Variants in SLC39A11 observed in about 807,000 individuals in gnomAD.
SLC39A11 encodes zinc transporter ZIP11.
Under a neutral mutation model 36.1 loss-of-function variants are expected in SLC39A11, and 33 were observed. The observed-to-expected ratio is 0.91, with a 90% CI of 0.69 to 1.22. The LOEUF (loss-of-function observed/expected upper bound fraction) is 1.22. Among genes scored for constraint, SLC39A11 ranks in the 50% most tolerant of loss-of-function variants. The pLI is 0.00. For synonymous variants in SLC39A11, 166 were observed against 170.3 expected (o/e 0.97, Z 0.20); for missense variants, 432 against 430.3 (o/e 1.00, Z -0.03).
intron 4 of SLC39A11, among the ~76,000 whole-genome samples, chr17:72,962,299 A>T (rs980250532): frequency 9.9e-5 from 15 of 152,240 alleles, no homozygotes; most frequent in African/African-American, 3.4e-4. Context: ...CCATGGGGCC[A>T]GAGTCCAGGG....
chr17:72,841,365 A>T (rs539055689), intron 6 of SLC39A11, among the ~76,000 whole-genome samples: 131 of 152,380 alleles, frequency 8.6e-4, no homozygotes, highest in South Asian at 3.7e-3. Context: ...TTATTCAGCC[A>T]CATAAATGAA....
At chr17:72,787,631 TTTTC>T (rs754061925) in intron 6 of SLC39A11, among the ~76,000 whole-genome samples, 12 of 152,170 alleles carry the variant, frequency 7.9e-5, no homozygotes, top group Admixed American at 2.0e-4. Context: ...CTCTTCAACT[TTTTC>T]TTTCTAACTA....
intron 7 of SLC39A11, among the ~76,000 whole-genome samples, chr17:72,720,279 G>C (rs939918380): frequency 6.6e-6 from 1 of 152,166 alleles, no homozygotes; most frequent in Non-Finnish European, 1.5e-5. Context: ...GGAGGGCCTC[G>C]GGGGAAAGAG....
chr17:73,081,899 TC>T (rs2060548928), intron 3 of SLC39A11, among the ~76,000 whole-genome samples: 1 of 150,880 alleles, frequency 6.6e-6, no homozygotes, highest in African/African-American at 2.4e-5. Context: ...ACATCTTCAC[TC>T]ATAAGCGGGA....
chr17:72,813,326 G>A (rs539362105), intron 6 of SLC39A11, among the ~76,000 whole-genome samples: 8 of 152,240 alleles, frequency 5.3e-5, no homozygotes, highest in South Asian at 2.1e-4. Flanking sequence ...TAATAAAACC[G>A]AATTTGTTTA....
At chr17:72,697,770 G>A (rs887299858) in intron 7 of SLC39A11, among the ~76,000 whole-genome samples, 1 of 147,832 alleles carries the variant, frequency 6.8e-6, no homozygotes, top group African/African-American at 2.5e-5. Flanking sequence ...ATGATCCTAG[G>A]GGCTCCATAA....
intron 5 of SLC39A11, among the ~76,000 whole-genome samples, chr17:72,850,262 A>G (rs2079244753): frequency 6.6e-6 from 1 of 151,710 alleles, no homozygotes; most frequent in South Asian, 2.1e-4. Flanking sequence ...CAGCCTGGGC[A>G]ACATGGCACA....
At chr17:72,763,877 G>T (rs1052097879) in intron 6 of SLC39A11, among the ~76,000 whole-genome samples, 2 of 152,078 alleles carry the variant, frequency 1.3e-5, no homozygotes, top group Non-Finnish European at 2.9e-5. Flanking sequence ...TGAAGCTAAC[G>T]GTCAGTGCCC....
intron 6 of SLC39A11, among the ~76,000 whole-genome samples, chr17:72,796,629 A>G (rs181172709): frequency 4.7e-4 from 71 of 152,234 alleles, no homozygotes; most frequent in African/African-American, 1.6e-3. Flanking sequence ...AGGCAGCTGA[A>G]AAAACGAGAC....
At chr17:72,997,886 G>C (rs1438330282) in intron 4 of SLC39A11, among the ~76,000 whole-genome samples, 1 of 152,194 alleles carries the variant, frequency 6.6e-6, no homozygotes. Flanking sequence ...CACAAGAGTA[G>C]TGATGCTGGG....
intron 5 of SLC39A11, among the ~76,000 whole-genome samples, chr17:72,908,122 T>C (rs373564905): frequency 2.0e-5 from 3 of 152,224 alleles, no homozygotes; most frequent in Admixed American, 6.5e-5. Context: ...GGCTATGTTC[T>C]GGCATCCAGG....
chr17:72,852,788 G>A (rs1312322643), intron 5 of SLC39A11, among the ~76,000 whole-genome samples: 1 of 152,148 alleles, frequency 6.6e-6, no homozygotes, highest in Non-Finnish European at 1.5e-5. Flanking sequence ...AAACATCTGG[G>A]ATTTCAAGCT....
intron 4 of SLC39A11, among the ~76,000 whole-genome samples, chr17:72,968,778 C>A (rs56734473): frequency 0.043 from 6,539 of 152,308 alleles, 485 homozygotes; most frequent in African/African-American, 0.15. Flanking sequence ...CCTTCTCGGC[C>A]AAGGAAGGTT....
intron 5 of SLC39A11, among the ~76,000 whole-genome samples, chr17:72,923,638 G>C (rs2083837819): frequency 6.6e-6 from 1 of 152,188 alleles, no homozygotes; most frequent in Non-Finnish European, 1.5e-5. Flanking sequence ...ATGAACGAAT[G>C]TGTAGCTTTA....
At chr17:72,950,839 A>C (rs986098340) in intron 4 of SLC39A11, among the ~76,000 whole-genome samples, 1 of 152,134 alleles carries the variant, frequency 6.6e-6, no homozygotes, top group Admixed American at 6.5e-5. Flanking sequence ...CCCACCCAGA[A>C]GACACTGAGC....
chr17:72,946,640 C>A (rs1157760608), intron 5 of SLC39A11, among the ~76,000 whole-genome samples: 2 of 151,144 alleles, frequency 1.3e-5, no homozygotes, highest in East Asian at 3.9e-4. Context: ...GAGGAGGGGC[C>A]CATTCTCCAC....
At chr17:73,065,752 G>A (rs1026716382) in intron 3 of SLC39A11, among the ~76,000 whole-genome samples, 2 of 152,122 alleles carry the variant, frequency 1.3e-5, no homozygotes, top group Admixed American at 6.6e-5. Flanking sequence ...CTTCTCTGCC[G>A]CTTACAAACA....
At chr17:73,082,656 CCT>C (rs1245449177) in intron 3 of SLC39A11, among the ~76,000 whole-genome samples, 1 of 152,064 alleles carries the variant, frequency 6.6e-6, no homozygotes, top group Non-Finnish European at 1.5e-5. Flanking sequence ...CTTTCAAGGA[CCT>C]CTCTGTTGAC....
chr17:72,660,679 G>T (rs1304663138), intron 7 of SLC39A11, among the ~76,000 whole-genome samples: 1 of 152,196 alleles, frequency 6.6e-6, no homozygotes, highest in Non-Finnish European at 1.5e-5. Context: ...GGGGTTTCGA[G>T]CCAGAGACCT....
Sources: gnomAD v4.1 joint callset for allele counts (sites outside exome capture counted in the v4.1 genomes callset) on GRCh38, gnomAD v4.1.1 for gene constraint, MANE v1.5 for transcripts, NCBI Gene and HGNC (gene_info 2026-07-23, HGNC 2026-07-21) for gene names.